The following CYTH4 variants were observed in gnomAD, a reference collection of about 807,000 sequenced individuals.
CYTH4 encodes the protein cytohesin-4.
In CYTH4, 22 loss-of-function variants were observed where a neutral mutation model predicts 57.5. The ratio of observed to expected loss-of-function variants is 0.38; its 90% CI spans 0.27 to 0.55. The LOEUF (loss-of-function observed/expected upper bound fraction) is 0.55, where lower values mean the gene tolerates loss of function less well. CYTH4 is among the 20% of genes least tolerant of loss of function. The probability of loss-of-function intolerance (pLI) is 0.74; values close to 1 mark genes in which losing one functional copy is unlikely to be tolerated. For missense variants in CYTH4, 420 were observed against 535.6 expected, an observed-to-expected ratio of 0.78 and a Z score of 2.13; for synonymous variants, 186 against 206.5, an observed-to-expected ratio of 0.90 and a Z score of 0.85.
intron 8 of CYTH4, among the ~76,000 whole-genome samples, chr22:37,304,711 G>A (rs2145866719): frequency 6.6e-6 from 1 of 152,274 alleles, no homozygotes; most frequent in African/African-American, 2.4e-5. Flanking sequence ...CATCAGAGAG[G>A]AGCCACTCCG....
chr22:37,305,144 C>G (rs1158889975), intron 8 of CYTH4, among the ~76,000 whole-genome samples: 1 of 152,146 alleles, frequency 6.6e-6, no homozygotes, highest in Non-Finnish European at 1.5e-5. Flanking sequence ...CTGGTCCTGC[C>G]GCTCTCCCAG....
At chr22:37,287,272 C>T (rs1468992031) in intron 1 of CYTH4, among the ~76,000 whole-genome samples, 1 of 152,026 alleles carries the variant, frequency 6.6e-6, no homozygotes, top group East Asian at 1.9e-4. Context: ...CCAGGAAGGT[C>T]GGCCTAGGAG....
chr22:37,296,391 C>A, intron 4 of CYTH4: 1 of 324,418 alleles, frequency 3.1e-6, no homozygotes, highest in South Asian at 3.7e-5. Flanking sequence ...GCTCTTGGAT[C>A]TGGGGCTTAG....
intron 1 of CYTH4, chr22:37,292,404 T>G (rs1601698916): frequency 1.9e-6 from 1 of 529,000 alleles, no homozygotes; most frequent in Non-Finnish European, 3.4e-6. Flanking sequence ...TTTGGGGGTG[T>G]CTATCCAGGG....
rs995614240 is a variant in CYTH4, at chr22:37,313,566, G to A, written c.*55G>A. ...CACCCTGAGAGTCCCATCGCCTGCA[G>A]CACCTGGAGACCCACCTCCCACCCC... is the stretch of plus-strand genomic sequence containing the variant. On this transcript the variant is annotated 3_prime_UTR_variant, in exon 13 of 13. Coordinates refer to ENST00000248901, the MANE Select transcript of CYTH4 (RefSeq NM_013385.5). 7.7e-5 allele frequency: 119 copies of A among 1,538,272 alleles called. No individual in the cohort carries two copies. The highest frequency in any genetic ancestry group is 1.0e-4 in the Non-Finnish European group (115 of 1,111,668).
At chr22:37,308,346 T>C (rs1449792667) in intron 8 of CYTH4, among the ~76,000 whole-genome samples, 1 of 152,186 alleles carries the variant, frequency 6.6e-6, no homozygotes, top group Non-Finnish European at 1.5e-5. Context: ...TAAGCATGCA[T>C]GTGTGTGTGG....
intron 2 of CYTH4, among the ~76,000 whole-genome samples, chr22:37,294,260 G>C (rs1928863534): frequency 6.9e-6 from 1 of 145,494 alleles, no homozygotes; most frequent in Non-Finnish European, 1.5e-5. Context: ...CGGGCAGGGT[G>C]GAGGTGGGCT....
intron 1 of CYTH4, among the ~76,000 whole-genome samples, chr22:37,283,346 C>G (rs996985350): frequency 6.6e-6 from 1 of 152,122 alleles, no homozygotes; most frequent in Non-Finnish European, 1.5e-5. Flanking sequence ...ATTGAAGGCC[C>G]GGTAGAGGGG....
Position 37,311,075 on chromosome 22 carries a change from T to G in CYTH4, c.885+11T>G, listed in dbSNP as rs752912934. ...TTCGAGTTCACCACTGTGAGCAGGG[T>G]TCTCCTGGGCCTTCCCCTGCCCCCG... is the stretch of plus-strand genomic sequence containing the variant. On this transcript the variant is annotated intron_variant, in intron 10 of 12. Coordinates refer to ENST00000248901, the MANE Select transcript of CYTH4 (RefSeq NM_013385.5). This position sits in a 1 kb window ranked among gnomAD's most constrained non-coding sequence, Gnocchi z 4.4. 1.2e-6 allele frequency: 2 copies of G among 1,613,964 alleles called. No homozygotes were observed. The highest frequency in any genetic ancestry group is 3.3e-5 in the Admixed American group (2 of 60,004).
In CYTH4 at chr22:37,300,862, G is replaced by T. The variant is rs758564168; in HGVS notation, c.435-45G>T. 5.8e-6 allele frequency: 9 copies of T among 1,551,666 alleles called. No individual in the cohort carries two copies. In the African/African-American group the frequency reaches 1.1e-4, roughly 19 times the overall value. ...GCAGGGCAGCTTGTCTGGGGCCCGCGAGGGCCCACCCACTCCACTGCCCGT... is the reference window on the plus strand; with the variant it reads ...GCAGGGCAGCTTGTCTGGGGCCCGCTAGGGCCCACCCACTCCACTGCCCGT... On this transcript the variant is annotated intron_variant, in intron 6 of 12. Transcript: ENST00000248901.
Position 37,315,095 on chromosome 22 carries a change from T to G in CYTH4, c.*1584T>G, listed in dbSNP as rs1929810143. ...TCTTGTCAGCCTGTGAACTAGGCCC[T>G]GCCTCTGTCACCTCATTGGTCCATG... is the stretch of plus-strand genomic sequence containing the variant. On this transcript the variant is annotated 3_prime_UTR_variant, in exon 13 of 13. Transcript: ENST00000248901. 6.6e-6 allele frequency: 1 copy of G among 152,318 alleles called. No homozygotes were observed. The allele number at this position is 152,318 out of a possible 1,614,324, so 9.4% of individuals were successfully genotyped here.
chr22:37,308,993 G>A (rs1430201728), intron 8 of CYTH4, among the ~76,000 whole-genome samples: 2 of 152,102 alleles, frequency 1.3e-5, no homozygotes, highest in Non-Finnish European at 1.5e-5. Flanking sequence ...GGGGTGGCGG[G>A]GTGGCGGGGT....
At chr22:37,285,204 A>G (rs1476745473) in intron 1 of CYTH4, among the ~76,000 whole-genome samples, 1 of 152,138 alleles carries the variant, frequency 6.6e-6, no homozygotes, top group Non-Finnish European at 1.5e-5. Context: ...AAGGACAAAG[A>G]GGAAGTGGGG....
intron 9 of CYTH4, among the ~76,000 whole-genome samples, chr22:37,310,725 T>C (rs1473076587): frequency 6.6e-6 from 1 of 152,128 alleles, no homozygotes; most frequent in African/African-American, 2.4e-5. Flanking sequence ...GAACTGGCCA[T>C]TCCTAGGACC....
At position 37,311,173 on chromosome 22, in the gene CYTH4, C is replaced by A; in HGVS notation, c.885+109C>A. On this transcript the variant is annotated intron_variant, in intron 10 of 12. Coordinates refer to ENST00000248901, the MANE Select transcript of CYTH4 (RefSeq NM_013385.5). This position sits in a 1 kb window ranked among gnomAD's most constrained non-coding sequence, Gnocchi z 4.4. Reference sequence around the variant, plus strand: ...CACACAGCTTTGGATCCTTTGAGATCATTCAGTCCCCCTCCATGCCCATTT... The same window carrying A: ...CACACAGCTTTGGATCCTTTGAGATAATTCAGTCCCCCTCCATGCCCATTT... 1 of 1,244,096 alleles carries A rather than the reference C, an allele frequency of 8.0e-7. No homozygotes were observed. The highest frequency in any genetic ancestry group is 1.3e-5 in the South Asian group (1 of 78,742). 77.1% of individuals were successfully genotyped at this position (1,244,096 alleles called of 1,614,324 possible). A position where few individuals can be genotyped will look rare whatever the true frequency, so the allele number is the denominator to read the frequency against.
chr22:37,286,210 C>T (rs1237139576), intron 1 of CYTH4, among the ~76,000 whole-genome samples: 3 of 152,084 alleles, frequency 2.0e-5, no homozygotes, highest in Non-Finnish European at 2.9e-5. Flanking sequence ...TTTGATGGTT[C>T]GTATGGAGAG....
intron 8 of CYTH4, among the ~76,000 whole-genome samples, chr22:37,303,853 G>C (rs562821095): frequency 6.6e-6 from 1 of 152,270 alleles, no homozygotes; most frequent in South Asian, 2.1e-4. Flanking sequence ...GGCCCTACTT[G>C]AGCTGGGCCC....
chr22:37,304,255 T>C (rs778563943), intron 8 of CYTH4: 47 of 456,414 alleles, frequency 1.0e-4, no homozygotes, highest in South Asian at 1.5e-4. Context: ...CGTGTCCTGA[T>C]TGGGAAAGGA....
chr22:37,300,517 A>ACC (rs1448443847), intron 6 of CYTH4, among the ~76,000 whole-genome samples: 1 of 151,942 alleles, frequency 6.6e-6, no homozygotes, highest in Non-Finnish European at 1.5e-5. Flanking sequence ...GCAAGGCAAA[A>ACC]CCCCTGCCCC....
Sources: gnomAD v4.1 joint callset for allele counts (sites outside exome capture counted in the v4.1 genomes callset) on GRCh38, gnomAD v4.1.1 for gene constraint, Gnocchi (gnomAD v3.1) non-coding constraint, MANE v1.5 for transcripts, NCBI Gene and HGNC (gene_info 2026-07-23, HGNC 2026-07-21) for gene names.